SPIRE1: variants seen among roughly 807,000 people sequenced by gnomAD.
The protein encoded by SPIRE1 is spire type actin nucleation factor 1, also known as protein spire homolog 1.
Under a neutral mutation model 94.1 loss-of-function variants are expected in SPIRE1, and 40 were observed. The ratio of observed to expected loss-of-function variants is 0.43; its 90% CI spans 0.33 to 0.55. The LOEUF is 0.55. Among genes scored for constraint, SPIRE1 ranks in the 20% least tolerant of loss-of-function variants. The pLI, the probability that SPIRE1 is intolerant of heterozygous loss-of-function variation, is 0.06. For synonymous variants in SPIRE1, 376 were observed against 371.7 expected (o/e 1.01, Z -0.13); for missense variants, 838 against 975.2 (o/e 0.86, Z 1.87).
intron 6 of SPIRE1, among the ~76,000 whole-genome samples, chr18:12,498,813 T>C (rs1217678062): frequency 2.0e-5 from 3 of 152,238 alleles, no homozygotes; most frequent in Non-Finnish European, 2.9e-5. Context: ...TTTTGTAGAA[T>C]TGGGGGTCTA....
At chr18:12,484,635 G>A (rs983461492) in intron 9 of SPIRE1, among the ~76,000 whole-genome samples, 1 of 152,152 alleles carries the variant, frequency 6.6e-6, no homozygotes, top group Non-Finnish European at 1.5e-5. Context: ...GCATTCTATG[G>A]CATTTAAAAG....
chr18:12,657,897 C>T lies in SPIRE1; in HGVS notation c.-31G>A. ...GGGTGGGCGCTGCGCTCGGCAGTCG[C>T]GCCGTGTGCCGGCGTCTCCTCAGCT... On this transcript the variant is annotated 5_prime_UTR_variant, in exon 1 of 17. Transcript: ENST00000409402. The T allele has an allele frequency of 9.7e-7, 1 of 1,033,022 alleles. No individual in the cohort carries two copies. Among genetic ancestry groups the T allele is most frequent in the Non-Finnish European group, 1.2e-6 (1 of 863,894 alleles). 64.0% of individuals were successfully genotyped at this position (1,033,022 alleles called of 1,614,324 possible).
intron 10 of SPIRE1, among the ~76,000 whole-genome samples, chr18:12,468,240 T>A (rs761416601): frequency 6.6e-6 from 1 of 152,150 alleles, no homozygotes; most frequent in African/African-American, 2.4e-5. Context: ...ACTGAAAACA[T>A]GAGGAAGCAC....
At chr18:12,590,741 G>A (rs1347125374) in intron 2 of SPIRE1, among the ~76,000 whole-genome samples, 1 of 152,134 alleles carries the variant, frequency 6.6e-6, no homozygotes, top group Non-Finnish European at 1.5e-5. Flanking sequence ...ACTCTCAAGC[G>A]GGGGCAGGAG....
intron 2 of SPIRE1, among the ~76,000 whole-genome samples, chr18:12,583,547 A>G (rs1329563721): frequency 1.3e-5 from 2 of 152,144 alleles, no homozygotes; most frequent in East Asian, 3.9e-4. Context: ...GGTTGCAGTG[A>G]GCCAAGATCG....
chr18:12,636,182 C>T (rs1039499278), intron 1 of SPIRE1: 3 of 152,240 alleles, frequency 2.0e-5, no homozygotes, highest in Non-Finnish European at 4.4e-5. Flanking sequence ...CGTGAGCCAC[C>T]ATGCCCAGTC....
intron 4 of SPIRE1, among the ~76,000 whole-genome samples, chr18:12,523,958 G>T (rs1169442666): frequency 1.3e-5 from 2 of 151,968 alleles, no homozygotes; most frequent in African/African-American, 4.8e-5. Context: ...GTATTTTTTT[G>T]ATGTAATGCT....
At chr18:12,453,189 C>G (rs766315512) in intron 13 of SPIRE1, 51 bp from the exon 14 acceptor site, 18 of 1,297,270 alleles carry the variant, frequency 1.4e-5, no homozygotes, top group Middle Eastern at 1.9e-4. Context: ...CAGCAAATTT[C>G]CTAATATCCA....
intron 2 of SPIRE1, among the ~76,000 whole-genome samples, chr18:12,621,581 C>T (rs1198327602): frequency 6.6e-6 from 1 of 152,158 alleles, no homozygotes; most frequent in Non-Finnish European, 1.5e-5. Context: ...TGGATGAACC[C>T]TGAACATTAT....
chr18:12,617,174 T>C (rs1414550717), intron 2 of SPIRE1, among the ~76,000 whole-genome samples: 4 of 123,966 alleles, frequency 3.2e-5, no homozygotes, highest in African/African-American at 8.5e-5. Flanking sequence ...TTTTTTTTTT[T>C]TTTGAAATGG....
At chr18:12,452,683 C>T in intron 14 of SPIRE1, 171 bp from the exon 15 acceptor site, 2 of 692,198 alleles carry the variant, frequency 2.9e-6, no homozygotes. Flanking sequence ...AGATAATCTA[C>T]AGAACTTAAC....
At chr18:12,636,442 G>A (rs1293852174) in intron 1 of SPIRE1, 3 of 150,316 alleles carry the variant, frequency 2.0e-5, no homozygotes, top group Non-Finnish European at 4.4e-5. Context: ...ACAAATAATA[G>A]CTTTTGTATG....
intron 2 of SPIRE1, among the ~76,000 whole-genome samples, chr18:12,629,240 T>A (rs1379440365): frequency 6.6e-6 from 1 of 152,130 alleles, no homozygotes; most frequent in Non-Finnish European, 1.5e-5. Flanking sequence ...GTGATGAAAT[T>A]TGGAAAGCTG....
At position 12,657,663 on chromosome 18, in the gene SPIRE1, G is replaced by A. The variant is rs1265208874; in HGVS notation, c.204C>T (p.Ser68=). 4 of 1,332,416 alleles carry A rather than the reference G, an allele frequency of 3.0e-6. No homozygotes were observed. Among genetic ancestry groups the A allele is most frequent in the Non-Finnish European group, 2.9e-6 (3 of 1,039,240 alleles). 82.5% of individuals were successfully genotyped at this position (1,332,416 alleles called of 1,614,324 possible). Residue 68 remains serine (S), a synonymous_variant, in exon 1 of 17, where the codon TCC becomes TCT. Coordinates refer to ENST00000409402, the MANE Select transcript of SPIRE1 (RefSeq NM_001128626.2). ...AWAVCYQCCG[S]LRAAARRRQP... ...GGCGGCGGCGGGCGGCGGCGCGCAGGGAACCGCAGCACTGGTAGCACACGG... is the reference window on the plus strand; with the variant it reads ...GGCGGCGGCGGGCGGCGGCGCGCAGAGAACCGCAGCACTGGTAGCACACGG...
intron 4 of SPIRE1, among the ~76,000 whole-genome samples, chr18:12,513,207 A>T (rs1268169911): frequency 6.6e-6 from 1 of 152,148 alleles, no homozygotes; most frequent in African/African-American, 2.4e-5. Context: ...GTACATTTTA[A>T]TTGATAAAAA....
chr18:12,473,968 TA>T (rs1209264245), intron 10 of SPIRE1, among the ~76,000 whole-genome samples: 1 of 152,124 alleles, frequency 6.6e-6, no homozygotes, highest in Non-Finnish European at 1.5e-5. Context: ...GGAGATTAAA[TA>T]AGATCACGTA....
At chr18:12,533,353 C>G (rs1302984477) in intron 4 of SPIRE1, among the ~76,000 whole-genome samples, 1 of 152,138 alleles carries the variant, frequency 6.6e-6, no homozygotes, top group Non-Finnish European at 1.5e-5. Context: ...AATGTTTGAG[C>G]CTCTTTTTGA....
chr18:12,496,607 C>A (rs1286635350), intron 6 of SPIRE1, among the ~76,000 whole-genome samples: 2 of 152,164 alleles, frequency 1.3e-5, no homozygotes, highest in Non-Finnish European at 2.9e-5. Flanking sequence ...TGGTGGCTCA[C>A]GTCTGTAATC....
chr18:12,587,474 A>G (rs1410157229), intron 2 of SPIRE1, among the ~76,000 whole-genome samples: 2 of 151,254 alleles, frequency 1.3e-5, no homozygotes, highest in Non-Finnish European at 2.9e-5. Context: ...GAATGAAAAT[A>G]AAGGCTGGAT....
Sources: gnomAD v4.1 joint callset for allele counts (sites outside exome capture counted in the v4.1 genomes callset) on GRCh38, gnomAD v4.1.1 for gene constraint, MANE v1.5 for transcripts, NCBI Gene and HGNC (gene_info 2026-07-23, HGNC 2026-07-21) for gene names.